Variants in GPBP1 observed in about 807,000 individuals in gnomAD.
GPBP1 encodes vasculin.
In GPBP1, 13 loss-of-function variants were observed where a neutral mutation model predicts 56.5. The observed-to-expected ratio is 0.23, with a 90% CI of 0.15 to 0.37. The LOEUF (loss-of-function observed/expected upper bound fraction) is 0.37, where lower values mean the gene tolerates loss of function less well. GPBP1 is among the 10% of genes least tolerant of loss of function. The pLI, the probability that GPBP1 is intolerant of heterozygous loss-of-function variation, is 1.00. For missense variants in GPBP1, 477 were observed against 572.3 expected (o/e 0.83, Z 1.70); for synonymous variants, 204 against 188.9 (o/e 1.08, Z -0.66).
chr5:57,261,162 A>AT lies in GPBP1; in HGVS notation c.1161-15dup. 3 of 1,523,628 alleles carry AT rather than the reference A, an allele frequency of 2.0e-6. No homozygotes were observed. Among genetic ancestry groups the AT allele is most frequent in the South Asian group, 2.2e-5 (2 of 89,206 alleles). 94.4% of individuals were successfully genotyped at this position (1,523,628 alleles called of 1,614,324 possible). On this transcript the variant is annotated splice_polypyrimidine_tract_variant and intron_variant, in intron 10 of 11. Transcript: ENST00000506184. ...CAGGGTAAGCTTTACATTAAACTTA[A>AT]TTTCCTCTCCTTTTCAGATTGTTAA... is the stretch of plus-strand genomic sequence containing the variant.
intron 2 of GPBP1, among the ~76,000 whole-genome samples, chr5:57,189,298 TAGTAG>T (rs1453854675): frequency 6.6e-6 from 1 of 152,214 alleles, no homozygotes; most frequent in Non-Finnish European, 1.5e-5. Flanking sequence ...TTTGTATTTT[TAGTAG>T]AGACGGGGCT....
At chr5:57,222,027 T>C (rs1755977096) in intron 3 of GPBP1, among the ~76,000 whole-genome samples, 1 of 152,094 alleles carries the variant, frequency 6.6e-6, no homozygotes, top group South Asian at 2.1e-4. Flanking sequence ...CAACTTTAGT[T>C]TTGTTTTTTT....
chr5:57,199,527 T>C (rs1754906585), intron 2 of GPBP1, among the ~76,000 whole-genome samples: 1 of 151,924 alleles, frequency 6.6e-6, no homozygotes, highest in Non-Finnish European at 1.5e-5. Flanking sequence ...CAGATTTCTT[T>C]TCTTTTCTTT....
At chr5:57,251,195 T>C in intron 10 of GPBP1, 54 bp downstream of exon 10, 1 of 1,414,094 alleles carries the variant, frequency 7.1e-7, no homozygotes, top group Non-Finnish European at 9.6e-7. Context: ...GAGATTTCAA[T>C]ATTATAGAGT....
chr5:57,199,599 GT>G (rs1754910580), intron 2 of GPBP1, among the ~76,000 whole-genome samples: 1 of 151,802 alleles, frequency 6.6e-6, no homozygotes, highest in African/African-American at 2.4e-5. Flanking sequence ...CAACGTGCAG[GT>G]TTGTTACATA....
At chr5:57,181,141 C>G (rs1422583206) in intron 2 of GPBP1, among the ~76,000 whole-genome samples, 1 of 152,130 alleles carries the variant, frequency 6.6e-6, no homozygotes, top group Non-Finnish European at 1.5e-5. Flanking sequence ...CGAGACTAGC[C>G]TGAGAAACAT....
intron 6 of GPBP1, among the ~76,000 whole-genome samples, chr5:57,239,781 G>A (rs185951083): frequency 4.3e-4 from 65 of 151,726 alleles, no homozygotes; most frequent in Admixed American, 2.7e-3. Context: ...CTCCATCTCC[G>A]AACAAACATT....
intron 3 of GPBP1, among the ~76,000 whole-genome samples, chr5:57,223,044 A>T (rs899740665): frequency 8.0e-5 from 12 of 150,380 alleles, no homozygotes; most frequent in East Asian, 3.9e-4. Flanking sequence ...TTTTATTAAA[A>T]TTTTTTTTTT....
At chr5:57,247,507 G>A (rs1741148298) in intron 8 of GPBP1, among the ~76,000 whole-genome samples, 1 of 151,914 alleles carries the variant, frequency 6.6e-6, no homozygotes, top group South Asian at 2.1e-4. Flanking sequence ...TCGGCAATAT[G>A]GTGAAACCCT....
At chr5:57,219,203 C>G (rs1173772477) in intron 3 of GPBP1, among the ~76,000 whole-genome samples, 1 of 151,628 alleles carries the variant, frequency 6.6e-6, no homozygotes, top group African/African-American at 2.4e-5. Context: ...TGGTGAAACC[C>G]CGTTTCTACT....
At chr5:57,230,770 T>G (rs754565869) in intron 3 of GPBP1, 76 bp from the exon 4 acceptor site, 1 of 1,290,482 alleles carries the variant, frequency 7.7e-7, no homozygotes. Flanking sequence ...TGGAAATAAG[T>G]GAAGTTGGAG....
At chr5:57,222,844 C>T (rs1323606614) in intron 3 of GPBP1, among the ~76,000 whole-genome samples, 1 of 151,982 alleles carries the variant, frequency 6.6e-6, no homozygotes, top group Non-Finnish European at 1.5e-5. Flanking sequence ...TCAGTCTTGG[C>T]GACACTGGAT....
At chr5:57,182,675 C>T (rs548283297) in intron 2 of GPBP1, among the ~76,000 whole-genome samples, 1 of 151,630 alleles carries the variant, frequency 6.6e-6, no homozygotes, top group South Asian at 2.1e-4. Flanking sequence ...TCGGCTTCTT[C>T]TCTTTAATTC....
intron 3 of GPBP1, chr5:57,221,460 TTGTTA>T: frequency 4.1e-6 from 4 of 977,080 alleles, no homozygotes; most frequent in Non-Finnish European, 6.3e-6. Context: ...CAAATTCCAT[TTGTTA>T]TGCTAGGAAG....
intron 2 of GPBP1, among the ~76,000 whole-genome samples, chr5:57,213,866 TACTC>T (rs1223035629): frequency 6.6e-6 from 1 of 152,246 alleles, no homozygotes; most frequent in Admixed American, 6.5e-5. Flanking sequence ...ATCAAGATAA[TACTC>T]AGTTACCCAG....
rs573469396 is a variant in GPBP1 at position 57,208,588 on chromosome 5, G to A, written c.-57-5486G>A. On this transcript the variant is annotated intron_variant, in intron 2 of 11. Coordinates refer to ENST00000506184, the MANE Select transcript of GPBP1 (RefSeq NM_022913.4). ...TGAATCTGTAGATCATGTTTGGGTAGTGTTGTTGTCTTAACAGTGTTGAGT... is the reference window on the plus strand; with the variant it reads ...TGAATCTGTAGATCATGTTTGGGTAATGTTGTTGTCTTAACAGTGTTGAGT... Among the ~76,000 whole-genome samples, 6 of 151,774 alleles carry A rather than the reference G, an allele frequency of 4.0e-5. No individual in the cohort carries two copies. In the South Asian group the frequency reaches 6.2e-4, roughly 16 times the overall value.
chr5:57,180,431 C>A (rs551769762), intron 2 of GPBP1, among the ~76,000 whole-genome samples: 9 of 152,252 alleles, frequency 5.9e-5, no homozygotes, highest in African/African-American at 2.2e-4. Context: ...GATTATTTAA[C>A]TTTGTTTAAC....
At chr5:57,180,736 GA>G (rs564141676) in intron 2 of GPBP1, among the ~76,000 whole-genome samples, 18 of 152,164 alleles carry the variant, frequency 1.2e-4, no homozygotes, top group East Asian at 3.9e-4. Flanking sequence ...CAGATGTAAA[GA>G]TTTTTTTGGG....
intron 6 of GPBP1, chr5:57,245,910 C>T (rs908616616): frequency 6.5e-6 from 1 of 154,536 alleles, no homozygotes; most frequent in Non-Finnish European, 1.4e-5. Flanking sequence ...AATTTTAATT[C>T]TCTTCAAATG....
Sources: gnomAD v4.1 joint callset for allele counts (sites outside exome capture counted in the v4.1 genomes callset) on GRCh38, gnomAD v4.1.1 for gene constraint, MANE v1.5 for transcripts, NCBI Gene and HGNC (gene_info 2026-07-23, HGNC 2026-07-21) for gene names.